The following RIMBP2 variants were observed in gnomAD, a reference collection of about 807,000 sequenced individuals.
The protein encoded by RIMBP2 is RIMS-binding protein 2.
RIMBP2 carries 48 observed loss-of-function variants against 118.6 expected under a neutral mutation model. The ratio of observed to expected loss-of-function variants is 0.40; its 90% CI spans 0.32 to 0.51. The LOEUF (loss-of-function observed/expected upper bound fraction) is 0.51, where lower values mean the gene tolerates loss of function less well. Among genes scored for constraint, RIMBP2 ranks in the 20% least tolerant of loss-of-function variants. RIMBP2 has a pLI of 0.41. For synonymous variants in RIMBP2, 762 were observed against 742.9 expected, an observed-to-expected ratio of 1.03 and a Z score of -0.42; for missense variants, 1,551 against 1,768.3, an observed-to-expected ratio of 0.88 and a Z score of 2.20.
At chr12:130,668,927 C>A (rs1213430488) in intron 1 of RIMBP2, among the ~76,000 whole-genome samples, 1 of 152,218 alleles carries the variant, frequency 6.6e-6, no homozygotes, top group South Asian at 2.1e-4. Context: ...CCCTGTACAG[C>A]GTTAGCAGGG....
chr12:130,658,773 G>C (rs1409912736), intron 1 of RIMBP2: 1 of 152,246 alleles, frequency 6.6e-6, no homozygotes, highest in African/African-American at 2.4e-5. Context: ...CACCCGCTGA[G>C]CCTTCGTTGC....
At chr12:130,477,026 G>A (rs991031885) in intron 5 of RIMBP2, among the ~76,000 whole-genome samples, 2 of 152,174 alleles carry the variant, frequency 1.3e-5, no homozygotes, top group African/African-American at 4.8e-5. Context: ...CTCTTCTCAT[G>A]CTTAAAAACT....
Position 130,422,667 on chromosome 12 carries a change from C to T in RIMBP2, c.3130-106G>A. 1.3e-6 allele frequency: 1 copy of T among 753,950 alleles called. No individual in the cohort carries two copies. Among genetic ancestry groups the T allele is most frequent in the Non-Finnish European group, 2.2e-6 (1 of 452,692 alleles). 46.7% of individuals were successfully genotyped at this position (753,950 alleles called of 1,614,324 possible). Reference sequence around the variant, plus strand: ...TGAAAAGCAGAATCTGTAAAGGCAACTAAACTTAGCTTTTAACTGAAAGGT... The same window carrying T: ...TGAAAAGCAGAATCTGTAAAGGCAATTAAACTTAGCTTTTAACTGAAAGGT... On this transcript the variant is annotated intron_variant, in intron 16 of 22. Transcript: ENST00000690449. This position sits in a 1 kb window ranked among gnomAD's most constrained non-coding sequence, Gnocchi z 5.2.
At chr12:130,557,858 C>A (rs193220743) in intron 2 of RIMBP2, among the ~76,000 whole-genome samples, 5 of 152,290 alleles carry the variant, frequency 3.3e-5, no homozygotes, top group Admixed American at 6.5e-5. Context: ...ACCCTGGGGT[C>A]AAAGCGCCTT....
chr12:130,633,739 C>T (rs1029655647), intron 1 of RIMBP2: 4 of 152,202 alleles, frequency 2.6e-5, no homozygotes, highest in Non-Finnish European at 5.9e-5. Flanking sequence ...GATTTCCCGT[C>T]TGTGTCTAAG....
At chr12:130,606,322 C>T (rs1326633254) in intron 2 of RIMBP2, among the ~76,000 whole-genome samples, 1 of 152,176 alleles carries the variant, frequency 6.6e-6, no homozygotes, top group African/African-American at 2.4e-5. Context: ...TGGGATTACC[C>T]CCTCTCACTA....
rs143312344 is a variant in RIMBP2 at position 130,438,569 on chromosome 12, G to C, written c.1505-53C>G. ...CGTTCAGGGACCAGCCCTGGCAGGT[G>C]AGCCGTGACTGGGCTCTGCCCATCT... is the stretch of plus-strand genomic sequence containing the variant. On this transcript the variant is annotated intron_variant, in intron 11 of 22. Coordinates refer to ENST00000690449, the MANE Select transcript of RIMBP2 (RefSeq NM_001393629.1). 6.2e-4 allele frequency: 910 copies of C among 1,465,786 alleles called. 1 individual carries two copies. Among genetic ancestry groups the C allele is most frequent in the South Asian group, 7.5e-4 (54 of 72,106 alleles). 90.8% of individuals were successfully genotyped at this position (1,465,786 alleles called of 1,614,324 possible). A position where few individuals can be genotyped will look rare whatever the true frequency, so the allele number is the denominator to read the frequency against.
intron 1 of RIMBP2, among the ~76,000 whole-genome samples, chr12:130,704,692 G>A (rs764626640): frequency 1.8e-4 from 27 of 152,082 alleles, no homozygotes; most frequent in Non-Finnish European, 3.4e-4. Context: ...TGTTCCCTCC[G>A]TGGACTCATA....
chr12:130,627,621 C>T (rs1156847196), intron 2 of RIMBP2, among the ~76,000 whole-genome samples: 3 of 152,160 alleles, frequency 2.0e-5, no homozygotes, highest in African/African-American at 7.2e-5. Context: ...ACTTCTACTG[C>T]TCTCTCAGTC....
At chr12:130,541,912 G>C (rs952274253) in intron 2 of RIMBP2, among the ~76,000 whole-genome samples, 2 of 152,230 alleles carry the variant, frequency 1.3e-5, no homozygotes, top group African/African-American at 4.8e-5. Context: ...TTCTGAGCAA[G>C]CTAATGCCCC....
At chr12:130,647,087 C>T (rs1010548077) in intron 1 of RIMBP2, among the ~76,000 whole-genome samples, 1 of 152,204 alleles carries the variant, frequency 6.6e-6, no homozygotes, top group Non-Finnish European at 1.5e-5. Flanking sequence ...GGTTCCTTCA[C>T]GGGGAATTCC....
intron 1 of RIMBP2, among the ~76,000 whole-genome samples, chr12:130,635,803 C>T (rs73460650): frequency 0.036 from 5,535 of 152,142 alleles, 159 homozygotes; most frequent in South Asian, 0.078. Context: ...CTGATGAATG[C>T]CCACACATCT....
Position 130,604,584 on chromosome 12 carries a change from TTC to T in RIMBP2, c.-217+23736_-217+23737del, listed in dbSNP as rs1216459763. On this transcript the variant is annotated intron_variant, in intron 2 of 22. Coordinates refer to ENST00000690449, the MANE Select transcript of RIMBP2 (RefSeq NM_001393629.1). The stretch of plus-strand genomic sequence containing the variant: ...TGCCCTATACAGATGCCCCTTTTCT[TTC>T]TTTTTTTTTTTTTTTGAGACAGAGT... 2.6e-3 allele frequency among the ~76,000 whole-genome samples: 185 copies of T among 70,944 alleles called. 4 individuals are homozygous for T. The highest frequency in any genetic ancestry group is 4.3e-3 in the Non-Finnish European group (154 of 36,216). The allele number at this position is 70,944 out of a possible 152,430, so 46.5% of individuals were successfully genotyped here.
In RIMBP2 at chr12:130,437,125, G is replaced by A. The variant is rs762629303; in HGVS notation, c.1823C>T (p.Pro608Leu). 3 of 1,582,460 alleles carry A rather than the reference G, an allele frequency of 1.9e-6. No homozygotes were observed. The highest frequency in any genetic ancestry group is 2.3e-5 in the East Asian group (1 of 43,920). ...VPPELLVPPT[P>L]HPRPAPQSKP... Reference sequence around the variant, plus strand: ...TGATTGGGGTGCAGGTCTCGGGTGGGGGGTAGGAGGCACCAGGAGCTCGGG... The same window carrying A: ...TGATTGGGGTGCAGGTCTCGGGTGGAGGGTAGGAGGCACCAGGAGCTCGGG... The change falls in exon 13 of 23, where the codon CCC becomes CTC. Residue 608 changes from proline to leucine, a missense_variant. Coordinates refer to ENST00000690449, the MANE Select transcript of RIMBP2 (RefSeq NM_001393629.1).
At chr12:130,612,816 A>T (rs1183595122) in intron 2 of RIMBP2, among the ~76,000 whole-genome samples, 1 of 152,138 alleles carries the variant, frequency 6.6e-6, no homozygotes, top group Non-Finnish European at 1.5e-5. Flanking sequence ...GGGTGAAGCA[A>T]GGTACACAGC....
intron 1 of RIMBP2, among the ~76,000 whole-genome samples, chr12:130,639,487 CAAAAAAAAAAAAA>C (rs138670754): frequency 1.1e-5 from 1 of 88,086 alleles, no homozygotes; most frequent in African/African-American, 4.9e-5. Context: ...GATCCTGCCT[CAAAAAAAAAAAAA>C]AAAAAAAAAA....
chr12:130,501,009 GAC>G (rs917024672), intron 4 of RIMBP2, among the ~76,000 whole-genome samples: 3 of 152,160 alleles, frequency 2.0e-5, no homozygotes, highest in African/African-American at 7.2e-5. Flanking sequence ...CAGGGGTCAC[GAC>G]ACACTCCATC....
At chr12:130,488,402 G>GA (rs2082658694) in intron 4 of RIMBP2, among the ~76,000 whole-genome samples, 1 of 151,270 alleles carries the variant, frequency 6.6e-6, no homozygotes, top group Non-Finnish European at 1.5e-5. Flanking sequence ...GATGGTAGGG[G>GA]AAAAGATAGC....
In RIMBP2 at chr12:130,445,135, G is replaced by T. The variant is rs775976906; in HGVS notation, c.691+25C>A. 6 of 1,505,148 alleles carry T rather than the reference G, an allele frequency of 4.0e-6. No individual in the cohort carries two copies. In the Admixed American group the frequency reaches 1.1e-4, roughly 29 times the overall value. 93.2% of individuals were successfully genotyped at this position (1,505,148 alleles called of 1,614,324 possible). A position where few individuals can be genotyped will look rare whatever the true frequency, so the allele number is the denominator to read the frequency against. On this transcript the variant is annotated intron_variant, in intron 10 of 22. Coordinates refer to ENST00000690449, the MANE Select transcript of RIMBP2 (RefSeq NM_001393629.1). ...GGGTGGACTGGCCCAGCCTACGTCC[G>T]CCACAGCCATGTTCCAACAGAGACC...
Sources: gnomAD v4.1 joint callset for allele counts (sites outside exome capture counted in the v4.1 genomes callset) on GRCh38, gnomAD v4.1.1 for gene constraint, Gnocchi (gnomAD v3.1) non-coding constraint, MANE v1.5 for transcripts, NCBI Gene and HGNC (gene_info 2026-07-23, HGNC 2026-07-21) for gene names.